The following PVT1 variants were observed in gnomAD, a reference collection of about 807,000 sequenced individuals.
PVT1 encodes CXCR4/PVT1 fusion.
Position 128,026,316 on chromosome 8 carries a change from ATT to A in PVT1, n.912+37035_912+37036del, listed in dbSNP as rs10709365. On this transcript the variant is annotated intron_variant and non_coding_transcript_variant, in intron 4 of 10. Coordinates refer to ENST00000651587, the Ensembl canonical transcript of PVT1. ...GAAGACTTTTTATTTTTTTATTTGTATTTTTTTTTTTATTCAAAGGGCTTGTG... is the reference window on the plus strand; with the variant it reads ...GAAGACTTTTTATTTTTTTATTTGTATTTTTTTTTATTCAAAGGGCTTGTG... 2.0e-3 allele frequency among the ~76,000 whole-genome samples: 294 copies of A among 147,762 alleles called. 6 individuals are homozygous for A. In the East Asian group the frequency reaches 0.044, roughly 22 times the overall value.
At chr8:128,012,959 C>T (rs1817330490) in intron 4 of PVT1, among the ~76,000 whole-genome samples, 1 of 152,198 alleles carries the variant, frequency 6.6e-6, no homozygotes, top group Admixed American at 6.5e-5. Flanking sequence ...CAGGTTTGCA[C>T]ATTCAGGTTC....
intron 2 of PVT1, among the ~76,000 whole-genome samples, chr8:127,828,246 G>A (rs540290653): frequency 2.6e-5 from 4 of 152,286 alleles, no homozygotes; most frequent in African/African-American, 4.8e-5. Context: ...CTTACTGAGT[G>A]TCTAGTTCCT....
At chr8:128,041,272 CTG>C (rs1306033767) in intron 4 of PVT1, among the ~76,000 whole-genome samples, 15 of 136,276 alleles carry the variant, frequency 1.1e-4, no homozygotes, top group South Asian at 2.4e-4. Context: ...GTGTGTGCAT[CTG>C]TGTGTTTATG....
chr8:128,039,760 G>A (rs148099441), intron 4 of PVT1, among the ~76,000 whole-genome samples: 73 of 152,276 alleles, frequency 4.8e-4, no homozygotes, highest in African/African-American at 1.7e-3. Context: ...ACTGGAAGTG[G>A]CAAAGATGGA....
In PVT1 at chr8:128,038,152, G is replaced by A. The variant is rs1389995764; in HGVS notation, n.913-32008G>A. 3.9e-5 allele frequency among the ~76,000 whole-genome samples: 6 copies of A among 152,250 alleles called. No homozygotes were observed. The East Asian group carries it at 5.8e-4, about 15-fold the overall frequency. ...TTTCTGGTAGACTTCTTGACCCTTCGAAAAATAGACTGAGGACCCCCGTGG... is the reference window on the plus strand; with the variant it reads ...TTTCTGGTAGACTTCTTGACCCTTCAAAAAATAGACTGAGGACCCCCGTGG... On this transcript the variant is annotated intron_variant and non_coding_transcript_variant, in intron 4 of 10. Coordinates refer to ENST00000651587, the Ensembl canonical transcript of PVT1.
At chr8:127,918,604 C>A (rs1169799389) in intron 3 of PVT1, among the ~76,000 whole-genome samples, 2 of 152,106 alleles carry the variant, frequency 1.3e-5, no homozygotes, top group Non-Finnish European at 2.9e-5. Flanking sequence ...CATCTGAGTT[C>A]CCCAGACAAT....
chr8:128,060,048 A>G (rs1413208061), intron 4 of PVT1, among the ~76,000 whole-genome samples: 1 of 152,172 alleles, frequency 6.6e-6, no homozygotes, highest in Non-Finnish European at 1.5e-5. Context: ...CAAGGTCAGG[A>G]GATCGAGACC....
At chr8:127,945,294 T>C (rs1384628640) in intron 3 of PVT1, among the ~76,000 whole-genome samples, 6 of 152,194 alleles carry the variant, frequency 3.9e-5, no homozygotes, top group Non-Finnish European at 8.8e-5. Context: ...CCAGGATTTA[T>C]ACCCTGAGGC....
At chr8:128,016,493 G>A (rs539833518) in intron 4 of PVT1, among the ~76,000 whole-genome samples, 74 of 152,256 alleles carry the variant, frequency 4.9e-4, no homozygotes, top group South Asian at 2.5e-3. Context: ...GGAAATATGT[G>A]GTAGACATCT....
intron 3 of PVT1, among the ~76,000 whole-genome samples, chr8:127,970,728 A>G (rs1041749115): frequency 6.6e-6 from 1 of 152,120 alleles, no homozygotes; most frequent in Non-Finnish European, 1.5e-5. Context: ...GCTATGTAAG[A>G]CACCTCCCCA....
In PVT1 at chr8:127,921,545, C is replaced by T. The variant is rs542643268; in HGVS notation, n.782+30547C>T. Among the ~76,000 whole-genome samples the T allele has an allele frequency of 1.2e-4, 19 of 152,248 alleles. No homozygotes were observed. In the East Asian group the frequency reaches 3.7e-3, roughly 29 times the overall value. On this transcript the variant is annotated intron_variant and non_coding_transcript_variant, in intron 3 of 10. Coordinates refer to ENST00000651587, the Ensembl canonical transcript of PVT1. ...TAATTTCAGGGGCCGGGCACAGTGG[C>T]TCCTGCCTGTAATCCCAACACTTTG...
At position 127,796,465 on chromosome 8, in the gene PVT1, G is replaced by GTTCT. The variant is rs539333677; in HGVS notation, n.372+397_372+400dup. ...ACTGCCCACATCAAATCAATTCCCT[G>GTTCT]TTCTTTAGTTGTTTTTTTTTTCCGC... On this transcript the variant is annotated intron_variant and non_coding_transcript_variant, in intron 2 of 10. Transcript: ENST00000651587. 9.7e-4 allele frequency among the ~76,000 whole-genome samples: 148 copies of GTTCT among 152,042 alleles called. 1 individual carries two copies. The highest frequency in any genetic ancestry group is 1.9e-3 in the South Asian group (9 of 4,822).
At chr8:127,826,408 T>C (rs534840053) in intron 2 of PVT1, among the ~76,000 whole-genome samples, 39 of 152,276 alleles carry the variant, frequency 2.6e-4, no homozygotes, top group African/African-American at 8.9e-4. Flanking sequence ...TTCCCCAGCG[T>C]TGAGTTCAGC....
chr8:127,902,425 C>CTT (rs777284762), intron 3 of PVT1, among the ~76,000 whole-genome samples: 9 of 130,946 alleles, frequency 6.9e-5, no homozygotes, highest in African/African-American at 8.3e-5. Context: ...GTTCTATTTT[C>CTT]TTTTTTTTTT....
chr8:127,804,603 C>G (rs1162206856), intron 2 of PVT1, among the ~76,000 whole-genome samples: 1 of 144,916 alleles, frequency 6.9e-6, no homozygotes, highest in Non-Finnish European at 1.5e-5. Flanking sequence ...TGCAGTGGCA[C>G]AATCTCAGCT....
chr8:127,883,052 T>C (rs1421795259), intron 2 of PVT1, among the ~76,000 whole-genome samples: 1 of 126,106 alleles, frequency 7.9e-6, no homozygotes, highest in Non-Finnish European at 1.6e-5. Flanking sequence ...CACACATGCA[T>C]GCACACACAT....
At chr8:127,894,567 A>C (rs1815650711) in intron 3 of PVT1, among the ~76,000 whole-genome samples, 1 of 152,216 alleles carries the variant, frequency 6.6e-6, no homozygotes, top group Admixed American at 6.5e-5. Context: ...GAGCAATGCA[A>C]GATGATTTCA....
chr8:127,931,107 T>A lies in PVT1; in HGVS notation n.782+40109T>A, dbSNP rs573960352. ...TTTTTGTAGTGATGGGGTTTCACTA[T>A]GTTGCCCACGCTGGTCTCAAACTCC... On this transcript the variant is annotated intron_variant and non_coding_transcript_variant, in intron 3 of 10. Coordinates refer to ENST00000651587, the Ensembl canonical transcript of PVT1. Among the ~76,000 whole-genome samples, 305 of 152,280 alleles carry A rather than the reference T, an allele frequency of 2.0e-3. 2 individuals carry two copies. The highest frequency in any genetic ancestry group is 6.8e-3 in the African/African-American group (284 of 41,558).
intron 5 of PVT1, among the ~76,000 whole-genome samples, chr8:128,085,723 G>A (rs997072802): frequency 6.6e-6 from 1 of 152,160 alleles, no homozygotes; most frequent in African/African-American, 2.4e-5. Flanking sequence ...CTGCATTACT[G>A]TATGCCACTG....
Sources: allele counts gnomAD v4.1 joint callset (sites outside exome capture counted in the v4.1 genomes callset), GRCh38; gene constraint gnomAD v4.1.1; transcripts MANE v1.5; gene names NCBI Gene and HGNC (gene_info 2026-07-23, HGNC 2026-07-21).